Variants in ASIC2 observed in about 807,000 individuals in gnomAD.
ASIC2 encodes acid sensing ion channel subunit 2, also known as acid-sensing ion channel 2.
ASIC2 carries 25 observed loss-of-function variants against 57.3 expected under a neutral mutation model. That is an observed-to-expected ratio of 0.44 (90% CI 0.32 to 0.61). The LOEUF is 0.61. ASIC2 is among the 20% of genes least tolerant of loss of function. The pLI, the probability that ASIC2 is intolerant of heterozygous loss-of-function variation, is 0.06. For synonymous variants in ASIC2, 319 were observed against 307.5 expected (o/e 1.04, Z -0.39); for missense variants, 641 against 738.1 (o/e 0.87, Z 1.52).
chr17:33,726,509 A>G (rs577686892), intron 1 of ASIC2, among the ~76,000 whole-genome samples: 1 of 152,244 alleles, frequency 6.6e-6, no homozygotes, highest in South Asian at 2.1e-4. Context: ...TTACAGCACC[A>G]CAAGGCAGCC....
chr17:33,565,026 C>G (rs2141987001), intron 1 of ASIC2, among the ~76,000 whole-genome samples: 1 of 152,260 alleles, frequency 6.6e-6, no homozygotes, highest in South Asian at 2.1e-4. Flanking sequence ...GTGGGTAAAT[C>G]TCTGTTCGGG....
chr17:33,837,511 A>G (rs1597896840), intron 1 of ASIC2, among the ~76,000 whole-genome samples: 1 of 152,324 alleles, frequency 6.6e-6, no homozygotes, highest in Non-Finnish European at 1.5e-5. Flanking sequence ...ATGTCTACTT[A>G]TCCCATAAAT....
intron 1 of ASIC2, among the ~76,000 whole-genome samples, chr17:33,260,932 G>A (rs747499468): frequency 2.6e-5 from 4 of 152,178 alleles, no homozygotes; most frequent in Non-Finnish European, 5.9e-5. Context: ...ATTGCTCTTC[G>A]ATAGGAACCA....
At chr17:33,027,918 A>C (rs896381760) in intron 4 of ASIC2, among the ~76,000 whole-genome samples, 4 of 152,278 alleles carry the variant, frequency 2.6e-5, no homozygotes, top group African/African-American at 9.6e-5. Flanking sequence ...CATGTACTAC[A>C]CGAGCTGCAA....
intron 1 of ASIC2, among the ~76,000 whole-genome samples, chr17:33,128,096 T>C (rs2092331171): frequency 6.6e-6 from 1 of 152,220 alleles, no homozygotes; most frequent in Non-Finnish European, 1.5e-5. Context: ...TCATACTTCA[T>C]ACTCCAGCTA....
intron 1 of ASIC2, among the ~76,000 whole-genome samples, chr17:33,787,185 G>T (rs1425758929): frequency 6.6e-6 from 1 of 152,196 alleles, no homozygotes; most frequent in Non-Finnish European, 1.5e-5. Flanking sequence ...ATCTCCCATT[G>T]CAACAATTAT....
At chr17:33,201,831 A>C (rs1418481133) in intron 1 of ASIC2, among the ~76,000 whole-genome samples, 2 of 152,028 alleles carry the variant, frequency 1.3e-5, no homozygotes, top group Non-Finnish European at 2.9e-5. Context: ...GAAGTTCGAG[A>C]CCAGCCTGGG....
Position 33,827,141 on chromosome 17 carries a change from T to A in ASIC2, c.555+328837A>T, listed in dbSNP as rs556354196. Among the ~76,000 whole-genome samples, 8 of 152,230 alleles carry A rather than the reference T, an allele frequency of 5.3e-5. No individual in the cohort carries two copies. The South Asian group carries it at 1.7e-3, about 32-fold the overall frequency. On this transcript the variant is annotated intron_variant, in intron 1 of 9. Coordinates refer to the ASIC2 transcript ENST00000359872. ...TTACAGAAATACTTCAAGCCTTAGC[T>A]TCCTTATCTATTAAATGGGAATAAA...
At chr17:33,154,871 C>A (rs540899521) in intron 1 of ASIC2, among the ~76,000 whole-genome samples, 86 of 152,298 alleles carry the variant, frequency 5.6e-4, no homozygotes, top group African/African-American at 1.9e-3. Flanking sequence ...TTTTAATTTC[C>A]TAACAGGTGG....
At chr17:33,131,254 C>A (rs570481368) in intron 1 of ASIC2, among the ~76,000 whole-genome samples, 2 of 152,184 alleles carry the variant, frequency 1.3e-5, no homozygotes, top group African/African-American at 4.8e-5. Context: ...ATGGCTTAAG[C>A]AGGAGGAAAA....
intron 1 of ASIC2, chr17:34,005,526 C>T (rs1321367435): frequency 3.4e-5 from 5 of 148,672 alleles, no homozygotes; most frequent in Admixed American, 6.6e-5. Context: ...CTAGTTCCCC[C>T]CGCCCTCAAA....
intron 1 of ASIC2, among the ~76,000 whole-genome samples, chr17:33,186,521 G>A (rs1330687988): frequency 1.3e-5 from 2 of 152,192 alleles, no homozygotes; most frequent in Non-Finnish European, 2.9e-5. Flanking sequence ...TAGACAAAAA[G>A]TAAATTCGAG....
At chr17:33,686,603 C>T (rs1338619075) in intron 1 of ASIC2, among the ~76,000 whole-genome samples, 1 of 152,182 alleles carries the variant, frequency 6.6e-6, no homozygotes, top group African/African-American at 2.4e-5. Context: ...AGAGAGCTCT[C>T]TTGGCATTCC....
intron 1 of ASIC2, among the ~76,000 whole-genome samples, chr17:33,515,568 C>G (rs1410077486): frequency 6.6e-6 from 1 of 152,186 alleles, no homozygotes; most frequent in African/African-American, 2.4e-5. Flanking sequence ...GTGTCCAGTG[C>G]CTTTGAGTGC....
At chr17:33,579,769 A>G (rs549527384) in intron 1 of ASIC2, among the ~76,000 whole-genome samples, 2 of 152,334 alleles carry the variant, frequency 1.3e-5, no homozygotes, top group Admixed American at 1.3e-4. Flanking sequence ...CTCATTCAGA[A>G]GAGCAAAAGA....
chr17:33,447,733 T>C (rs1912078893), intron 1 of ASIC2, among the ~76,000 whole-genome samples: 1 of 152,058 alleles, frequency 6.6e-6, no homozygotes, highest in Non-Finnish European at 1.5e-5. Context: ...ATATATCTTG[T>C]AGAATCAGAG....
chr17:33,462,384 G>A (rs1912668155), intron 1 of ASIC2, among the ~76,000 whole-genome samples: 1 of 152,192 alleles, frequency 6.6e-6, no homozygotes, highest in Non-Finnish European at 1.5e-5. Context: ...TTTTCACAAA[G>A]GTATTTTGTT....
At chr17:33,839,291 A>G (rs1401582194) in intron 1 of ASIC2, among the ~76,000 whole-genome samples, 4 of 152,244 alleles carry the variant, frequency 2.6e-5, no homozygotes. Flanking sequence ...GACTAGCACA[A>G]CAGGTGGGTA....
At chr17:33,064,359 T>C (rs1054135953) in intron 3 of ASIC2, among the ~76,000 whole-genome samples, 2 of 152,238 alleles carry the variant, frequency 1.3e-5, no homozygotes, top group Non-Finnish European at 2.9e-5. Context: ...CCTTTCTGTT[T>C]GTTAGTTTTC....
Sources: allele counts gnomAD v4.1 joint callset (sites outside exome capture counted in the v4.1 genomes callset), GRCh38; gene constraint gnomAD v4.1.1; transcripts MANE v1.5; gene names NCBI Gene and HGNC (gene_info 2026-07-23, HGNC 2026-07-21).